Variants in PCDH15 observed in about 807,000 individuals in gnomAD.
The protein encoded by PCDH15 is protocadherin-15.
PCDH15 carries 129 observed loss-of-function variants against 178.5 expected under a neutral mutation model. The observed-to-expected ratio is 0.72, with a 90% CI of 0.63 to 0.84. The LOEUF (loss-of-function observed/expected upper bound fraction) is 0.84, where lower values mean the gene tolerates loss of function less well. PCDH15 is among the 40% of genes least tolerant of loss of function. The pLI is 0.00. For synonymous variants in PCDH15, 800 were observed against 732.0 expected (o/e 1.09, Z -1.50); for missense variants, 2,230 against 2,099.9 (o/e 1.06, Z -1.21).
intron 3 of PCDH15, among the ~76,000 whole-genome samples, chr10:54,815,276 A>G (rs1035195868): frequency 7.2e-5 from 11 of 152,296 alleles, no homozygotes; most frequent in African/African-American, 2.6e-4. Flanking sequence ...TTTATTATTT[A>G]CTACCATGAA....
At chr10:54,184,223 A>G (rs908361379) in intron 12 of PCDH15, among the ~76,000 whole-genome samples, 1 of 152,180 alleles carries the variant, frequency 6.6e-6, no homozygotes, top group Non-Finnish European at 1.5e-5. Flanking sequence ...TCCACTTTGT[A>G]TCTAACTTTT....
intron 2 of PCDH15, among the ~76,000 whole-genome samples, chr10:55,400,238 A>G (rs1838030395): frequency 6.6e-6 from 1 of 152,104 alleles, no homozygotes; most frequent in Admixed American, 6.6e-5. Context: ...GTCCTCCTAC[A>G]GCTTGCTTTG....
chr10:54,722,133 G>T (rs11004501), intron 1 of PCDH15, among the ~76,000 whole-genome samples: 18,500 of 151,748 alleles, frequency 0.12, 1,251 homozygotes, highest in African/African-American at 0.17. Flanking sequence ...ATTATCTCAA[G>T]AGATGCAGAA....
intron 28 of PCDH15, among the ~76,000 whole-genome samples, chr10:53,852,500 T>A (rs527550239): frequency 1.5e-3 from 222 of 151,526 alleles, no homozygotes; most frequent in Admixed American, 6.3e-3. Context: ...TAGTAAAAAA[T>A]TTTCAGTATA....
rs115923088 is a variant in PCDH15 at position 54,865,682 on chromosome 10, T to A, written c.-29+31768A>T. On this transcript the variant is annotated intron_variant, in intron 3 of 5. Coordinates refer to the PCDH15 transcript ENST00000458638. Reference sequence around the variant, plus strand: ...AGAGCCAAACCATATCACAATGTGATCATTTAGACTAAGACAAAAATCAAA... The same window carrying A: ...AGAGCCAAACCATATCACAATGTGAACATTTAGACTAAGACAAAAATCAAA... Among the ~76,000 whole-genome samples the A allele has an allele frequency of 6.5e-3, 995 of 152,212 alleles. 13 individuals carry two copies. Among genetic ancestry groups the A allele is most frequent in the African/African-American group, 0.023 (955 of 41,506 alleles).
chr10:54,071,696 A>G (rs192002055), intron 17 of PCDH15, among the ~76,000 whole-genome samples: 1 of 152,130 alleles, frequency 6.6e-6, no homozygotes, highest in African/African-American at 2.4e-5. Flanking sequence ...CATGGTATGT[A>G]TAGGAATCAG....
intron 2 of PCDH15, among the ~76,000 whole-genome samples, chr10:55,141,898 C>G (rs1220861295): frequency 6.6e-6 from 1 of 151,470 alleles, no homozygotes; most frequent in Admixed American, 6.6e-5. Flanking sequence ...TAAGGTACAT[C>G]TTTTGTGGAC....
chr10:54,621,147 C>T (rs1468929602), intron 2 of PCDH15, among the ~76,000 whole-genome samples: 3 of 151,866 alleles, frequency 2.0e-5, no homozygotes, highest in Non-Finnish European at 4.4e-5. Context: ...TTCACAAATG[C>T]AAAATTTTGT....
chr10:55,482,943 T>C (rs1425895739), intron 2 of PCDH15, among the ~76,000 whole-genome samples: 2 of 151,790 alleles, frequency 1.3e-5, no homozygotes, highest in African/African-American at 2.4e-5. Flanking sequence ...TTCCCATCTC[T>C]TTCAGGTGCT....
chr10:54,094,904 T>C (rs1020747662), intron 15 of PCDH15, among the ~76,000 whole-genome samples: 1 of 152,130 alleles, frequency 6.6e-6, no homozygotes, highest in Non-Finnish European at 1.5e-5. Flanking sequence ...ACAAAAGTAT[T>C]TATCCAAGGA....
At chr10:54,317,553 T>C in intron 7 of PCDH15, 112 bp from the exon 8 acceptor site, 1 of 1,185,834 alleles carries the variant, frequency 8.4e-7, no homozygotes, top group Non-Finnish European at 1.2e-6. Flanking sequence ...GGTGGGTGGA[T>C]CACTTGAGGT....
At chr10:54,095,430 GAAT>G (rs907597871) in intron 15 of PCDH15, among the ~76,000 whole-genome samples, 6 of 151,604 alleles carry the variant, frequency 4.0e-5, no homozygotes, top group African/African-American at 4.8e-5. Context: ...AATATAAAAT[GAAT>G]AATATTATAT....
chr10:55,549,156 T>G (rs943246465), intron 2 of PCDH15, among the ~76,000 whole-genome samples: 6 of 149,950 alleles, frequency 4.0e-5, no homozygotes, highest in Admixed American at 1.3e-4. Flanking sequence ...AGAGGGTTTT[T>G]TTTGTTTGTT....
At chr10:55,206,819 C>T (rs1329646715) in intron 1 of PCDH15, among the ~76,000 whole-genome samples, 6 of 151,768 alleles carry the variant, frequency 4.0e-5, no homozygotes, top group Non-Finnish European at 7.4e-5. Flanking sequence ...AAGTTATTGC[C>T]TGAATAAATA....
chr10:54,666,530 A>G (rs2094574346), intron 1 of PCDH15, among the ~76,000 whole-genome samples: 1 of 152,094 alleles, frequency 6.6e-6, no homozygotes, highest in African/African-American at 2.4e-5. Context: ...CCCTTCACAA[A>G]GGATTAGAGC....
chr10:54,553,369 CT>C (rs35332083), intron 2 of PCDH15, among the ~76,000 whole-genome samples: 9,393 of 152,232 alleles, frequency 0.062, 606 homozygotes, highest in East Asian at 0.32. Context: ...TGTGTCTCAA[CT>C]TTGGTCACTG....
intron 2 of PCDH15, among the ~76,000 whole-genome samples, chr10:55,530,111 A>C (rs1841416350): frequency 6.6e-6 from 1 of 151,866 alleles, no homozygotes; most frequent in Non-Finnish European, 1.5e-5. Context: ...TTTGTGTATA[A>C]TAATGACATA....
intron 15 of PCDH15, among the ~76,000 whole-genome samples, chr10:54,113,291 A>G (rs1590543547): frequency 6.6e-6 from 1 of 152,280 alleles, no homozygotes; most frequent in East Asian, 1.9e-4. Context: ...ATACTATATT[A>G]CCGAAGATGT....
intron 2 of PCDH15, among the ~76,000 whole-genome samples, chr10:55,039,727 A>G (rs940740341): frequency 6.6e-6 from 1 of 152,160 alleles, no homozygotes; most frequent in Non-Finnish European, 1.5e-5. Context: ...TGGAGAAACT[A>G]GTGAAAAAGA....
Sources: gnomAD v4.1 joint callset for allele counts (sites outside exome capture counted in the v4.1 genomes callset) on GRCh38, gnomAD v4.1.1 for gene constraint, MANE v1.5 for transcripts, NCBI Gene and HGNC (gene_info 2026-07-23, HGNC 2026-07-21) for gene names.